IL1R1: variants seen among roughly 807,000 people sequenced by gnomAD.
The protein encoded by IL1R1 is interleukin 1 receptor type 1, also known as interleukin-1 receptor type 1.
IL1R1 carries 22 observed loss-of-function variants against 50.2 expected under a neutral mutation model. The observed-to-expected ratio is 0.44, with a 90% confidence interval of 0.31 to 0.63. The LOEUF is 0.63. IL1R1 is among the 20% of genes least tolerant of loss of function. The probability of loss-of-function intolerance (pLI) is 0.07; values close to 1 mark genes in which losing one functional copy is unlikely to be tolerated. For missense variants in IL1R1, 509 were observed against 676.2 expected (o/e 0.75, Z 2.74); for synonymous variants, 251 against 236.7 (o/e 1.06, Z -0.55).
At chr2:102,095,132 T>G (rs917612960) in intron 1 of IL1R1, among the ~76,000 whole-genome samples, 5 of 152,222 alleles carry the variant, frequency 3.3e-5, no homozygotes, top group Admixed American at 3.3e-4. Context: ...ACGGTGTCCT[T>G]TCTCATTGCC....
At chr2:102,118,527 C>T (rs925345626) in intron 1 of IL1R1, among the ~76,000 whole-genome samples, 2 of 152,054 alleles carry the variant, frequency 1.3e-5, no homozygotes, top group Admixed American at 1.3e-4. Context: ...CAACTTGGCA[C>T]TTGTATTTGG....
chr2:102,095,928 G>A (rs905216674), intron 1 of IL1R1, among the ~76,000 whole-genome samples: 7 of 152,224 alleles, frequency 4.6e-5, no homozygotes, highest in East Asian at 1.9e-4. Flanking sequence ...ACTTGAACCC[G>A]GGAGGCGGAG....
chr2:102,165,727 C>T (rs1007826422), intron 5 of IL1R1, among the ~76,000 whole-genome samples: 6 of 152,176 alleles, frequency 3.9e-5, no homozygotes, highest in Non-Finnish European at 8.8e-5. Context: ...GTTTTGGTAA[C>T]TTTAATCTAC....
Position 102,149,151 on chromosome 2 carries a change from T to A in IL1R1, c.-83-4790T>A, listed in dbSNP as rs572535028. On this transcript the variant is annotated intron_variant, in intron 1 of 11. Coordinates refer to ENST00000410023, the MANE Select transcript of IL1R1 (RefSeq NM_000877.4). ...GGACTCATTCATGGTCACTTCTCAG[T>A]TATGGCAAATAAGTTGGAGCCTAAT... is the stretch of plus-strand genomic sequence containing the variant. Among the ~76,000 whole-genome samples the A allele has an allele frequency of 2.0e-5, 3 of 152,322 alleles. No individual in the cohort carries two copies. The South Asian group carries it at 6.2e-4, about 32-fold the overall frequency.
chr2:102,115,251 C>T, intron 1 of IL1R1, among the ~76,000 whole-genome samples: 1 of 152,124 alleles, frequency 6.6e-6, no homozygotes, highest in East Asian at 1.9e-4. Context: ...GTAAATTACC[C>T]AAGTAAACAA....
chr2:102,168,576 C>T (rs201863057), intron 6 of IL1R1, 22 bp from the exon 7 acceptor site: 2 of 1,603,870 alleles, frequency 1.2e-6, no homozygotes, highest in Admixed American at 3.3e-5. Flanking sequence ...ACTGACAAAC[C>T]TTATGGATGT....
upstream of IL1R1, among the ~76,000 whole-genome samples, chr2:102,140,336 T>G (rs984840186): frequency 1.8e-4 from 27 of 152,334 alleles, no homozygotes; most frequent in African/African-American, 6.5e-4. Flanking sequence ...ATGTGCATTA[T>G]CAGAAACTCT....
At chr2:102,146,154 C>T (rs1460003449) in intron 1 of IL1R1, among the ~76,000 whole-genome samples, 1 of 152,152 alleles carries the variant, frequency 6.6e-6, no homozygotes, top group Middle Eastern at 3.4e-3. Context: ...ATGCTGGTCT[C>T]TGCACATTTG....
At chr2:102,146,338 C>T (rs1257151975) in intron 1 of IL1R1, among the ~76,000 whole-genome samples, 6 of 152,024 alleles carry the variant, frequency 3.9e-5, no homozygotes, top group South Asian at 2.1e-4. Flanking sequence ...AATTTTGAAA[C>T]GATATAATAA....
At chr2:102,079,017 A>C (rs1679098214) in intron 1 of IL1R1, among the ~76,000 whole-genome samples, 1 of 152,144 alleles carries the variant, frequency 6.6e-6, no homozygotes, top group Non-Finnish European at 1.5e-5. Context: ...ATGCAGACAA[A>C]ATGTCTGATA....
chr2:102,088,709 C>A (rs936674753), intron 1 of IL1R1, among the ~76,000 whole-genome samples: 1 of 152,216 alleles, frequency 6.6e-6, no homozygotes, highest in Non-Finnish European at 1.5e-5. Flanking sequence ...TTTCTTCCAA[C>A]AGAAGGCTGT....
intron 1 of IL1R1, among the ~76,000 whole-genome samples, chr2:102,143,247 A>G (rs1459511135): frequency 2.0e-5 from 3 of 152,182 alleles, no homozygotes; most frequent in Non-Finnish European, 4.4e-5. Context: ...GGAACTTGCC[A>G]GTTGTTCTGG....
At chr2:102,087,592 G>C (rs915683768) in intron 1 of IL1R1, among the ~76,000 whole-genome samples, 4 of 152,166 alleles carry the variant, frequency 2.6e-5, no homozygotes, top group Admixed American at 2.6e-4. Context: ...CATGGGAGCT[G>C]TTCTCATGAT....
At chr2:102,159,614 A>G (rs1415454907) in intron 3 of IL1R1, among the ~76,000 whole-genome samples, 1 of 151,948 alleles carries the variant, frequency 6.6e-6, no homozygotes, top group African/African-American at 2.4e-5. Flanking sequence ...AACAATTAAC[A>G]CTGAGTTTTT....
intron 1 of IL1R1, among the ~76,000 whole-genome samples, chr2:102,106,281 T>C (rs1680405021): frequency 6.6e-6 from 1 of 152,088 alleles, no homozygotes; most frequent in Non-Finnish European, 1.5e-5. Context: ...ATGCCAGAGA[T>C]TGGTGTTTAC....
At chr2:102,139,161 T>C (rs1242476200), upstream of IL1R1, among the ~76,000 whole-genome samples, 1 of 152,206 alleles carries the variant, frequency 6.6e-6, no homozygotes, top group Non-Finnish European at 1.5e-5. Flanking sequence ...TGAGTTATCC[T>C]CTGTTCTTGA....
Position 102,177,249 on chromosome 2 carries a change from A to G in IL1R1, c.*490A>G. ...CCACTGCACTCTAGCCTGGCAACAG[A>G]GCAAGACTCCGTCTCAAAAAAAGGG... is the stretch of plus-strand genomic sequence containing the variant. On this transcript the variant is annotated 3_prime_UTR_variant, in exon 12 of 12. Coordinates refer to ENST00000410023, the MANE Select transcript of IL1R1 (RefSeq NM_000877.4). 6.2e-6 allele frequency: 1 copy of G among 161,996 alleles called. No homozygotes were observed. Among genetic ancestry groups the G allele is most frequent in the Non-Finnish European group, 1.4e-5 (1 of 72,664 alleles). The allele number at this position is 161,996 out of a possible 1,614,324, so 10.0% of individuals were successfully genotyped here.
At chr2:102,138,989 G>C (rs1197108109), upstream of IL1R1, among the ~76,000 whole-genome samples, 1 of 152,176 alleles carries the variant, frequency 6.6e-6, no homozygotes, top group African/African-American at 2.4e-5. Flanking sequence ...TCAAGACTCA[G>C]TCTCTCTGGG....
chr2:102,176,665 C>G lies in IL1R1; in HGVS notation c.1616C>G (p.Pro539Arg). ...RFWKNVRYHM[P>R]VQRRSPSSKH... is the part of the protein sequence containing the mutation. ...TGGAAGAATGTCAGGTACCACATGC[C>G]AGTCCAGCGACGGTCACCTTCATCT... Residue 539 changes from proline (P) to arginine (R), a missense_variant, in exon 12 of 12, where the codon CCA becomes CGA. Physicochemically the swap from Pro to Arg is moderately radical, Grantham distance 103. Transcript: ENST00000410023. 1 of 1,614,202 alleles carries G rather than the reference C, an allele frequency of 6.2e-7. No individual in the cohort carries two copies. Among genetic ancestry groups the G allele is most frequent in the Non-Finnish European group, 8.5e-7 (1 of 1,180,038 alleles).
Sources: gnomAD v4.1 joint callset for allele counts (sites outside exome capture counted in the v4.1 genomes callset) on GRCh38, gnomAD v4.1.1 for gene constraint, MANE v1.5 for transcripts, NCBI Gene and HGNC (gene_info 2026-07-23, HGNC 2026-07-21) for gene names.